The following CNTN1 variants were observed in gnomAD, a reference collection of about 807,000 sequenced individuals.
CNTN1 encodes the protein contactin-1.
A neutral mutation model predicts 126.4 loss-of-function variants in CNTN1; 38 were observed. That is an observed-to-expected ratio of 0.30 (90% confidence interval 0.23 to 0.39). The LOEUF is 0.39. CNTN1 is among the 10% of genes least tolerant of loss of function. The probability of loss-of-function intolerance (pLI) is 1.00; values close to 1 mark genes in which losing one functional copy is unlikely to be tolerated. For synonymous variants in CNTN1, 413 were observed against 422.6 expected (o/e 0.98, Z 0.28); for missense variants, 1,009 against 1,248.4 (o/e 0.81, Z 2.89).
chr12:40,796,244 G>T (rs572258008), intron 1 of CNTN1, among the ~76,000 whole-genome samples: 1 of 152,046 alleles, frequency 6.6e-6, no homozygotes, highest in Non-Finnish European at 1.5e-5. Flanking sequence ...CATAGAATGT[G>T]ATGACCAGCT....
chr12:40,891,196 C>T lies in CNTN1; in HGVS notation c.-76-17161C>T, dbSNP rs530852873. 3.9e-5 allele frequency among the ~76,000 whole-genome samples: 6 copies of T among 152,070 alleles called. No homozygotes were observed. The South Asian group carries it at 1.2e-3, about 32-fold the overall frequency. ...GAGATGTCTCTTCAGGAATTTTGAC[C>T]GTTTTCTAGTTGAGTTGTTTGTATT... On this transcript the variant is annotated intron_variant, in intron 1 of 23. Coordinates refer to ENST00000551295, the MANE Select transcript of CNTN1 (RefSeq NM_001843.4).
At chr12:41,029,835 C>G (rs1406463950) in intron 23 of CNTN1, among the ~76,000 whole-genome samples, 1 of 151,916 alleles carries the variant, frequency 6.6e-6, no homozygotes, top group East Asian at 1.9e-4. Context: ...CTTATCTATT[C>G]CTTTTCTACA....
chr12:40,787,837 G>A (rs557235310), intron 1 of CNTN1, among the ~76,000 whole-genome samples: 3 of 152,178 alleles, frequency 2.0e-5, no homozygotes, highest in East Asian at 1.9e-4. Context: ...ACATTTTGCT[G>A]AATTTAATAA....
intron 1 of CNTN1, among the ~76,000 whole-genome samples, chr12:40,714,814 A>G (rs1295867147): frequency 6.6e-6 from 1 of 152,080 alleles, no homozygotes; most frequent in Non-Finnish European, 1.5e-5. Flanking sequence ...ACCTGCTGAA[A>G]CAAAATATGC....
At position 40,826,865 on chromosome 12, in the gene CNTN1, G is replaced by C. The variant is rs192760861; in HGVS notation, c.-76-81492G>C. Among the ~76,000 whole-genome samples the C allele has an allele frequency of 2.8e-4, 43 of 152,054 alleles. 1 individual carries two copies. The South Asian group carries it at 6.4e-3, about 23-fold the overall frequency. ...GTGGAATGACATAGAAATATGAATTGTGTGTGTGTGTGCATGTATGTGAGA... is the reference window on the plus strand; with the variant it reads ...GTGGAATGACATAGAAATATGAATTCTGTGTGTGTGTGCATGTATGTGAGA... On this transcript the variant is annotated intron_variant, in intron 1 of 23. Coordinates refer to ENST00000551295, the MANE Select transcript of CNTN1 (RefSeq NM_001843.4).
chr12:40,701,120 G>T (rs926951135), intron 1 of CNTN1, among the ~76,000 whole-genome samples: 3 of 152,156 alleles, frequency 2.0e-5, no homozygotes, highest in Admixed American at 6.5e-5. Context: ...TTAAAATGCT[G>T]CTATTCTAAG....
chr12:40,887,060 T>C (rs1349963526), intron 1 of CNTN1, among the ~76,000 whole-genome samples: 2 of 152,174 alleles, frequency 1.3e-5, no homozygotes, highest in Non-Finnish European at 2.9e-5. Context: ...GGCTCTTTTT[T>C]GGTTCCATAT....
chr12:41,030,499 C>A (rs149499583), intron 23 of CNTN1, among the ~76,000 whole-genome samples: 1 of 152,008 alleles, frequency 6.6e-6, no homozygotes, highest in Non-Finnish European at 1.5e-5. Context: ...CCTAAAATAG[C>A]TACTGTTAAT....
intron 1 of CNTN1, among the ~76,000 whole-genome samples, chr12:40,784,666 A>G (rs1334077485): frequency 6.6e-6 from 1 of 152,152 alleles, no homozygotes; most frequent in Non-Finnish European, 1.5e-5. Flanking sequence ...TTGGAGACTG[A>G]TAGAAAAGCT....
chr12:40,805,645 T>C (rs1166635019), intron 1 of CNTN1, among the ~76,000 whole-genome samples: 1 of 152,128 alleles, frequency 6.6e-6, no homozygotes, highest in Non-Finnish European at 1.5e-5. Context: ...ATAGTTTCAA[T>C]ATCTGAGCTA....
chr12:40,764,368 C>T (rs538405060), intron 1 of CNTN1, among the ~76,000 whole-genome samples: 1 of 152,252 alleles, frequency 6.6e-6, no homozygotes, highest in African/African-American at 2.4e-5. Flanking sequence ...TGAACTAATG[C>T]TGAGATGAAC....
intron 1 of CNTN1, among the ~76,000 whole-genome samples, chr12:40,709,693 C>A (rs1314496740): frequency 6.6e-6 from 1 of 152,222 alleles, no homozygotes; most frequent in Admixed American, 6.5e-5. Context: ...CCACATCCTG[C>A]TTCACTTCAC....
chr12:40,969,908 C>G (rs927224696), intron 15 of CNTN1, among the ~76,000 whole-genome samples: 15 of 151,730 alleles, frequency 9.9e-5, no homozygotes, highest in Non-Finnish European at 1.5e-4. Flanking sequence ...TGTAGAGATC[C>G]CTTGTGTAAT....
At chr12:40,908,521 ATATAT>A in intron 2 of CNTN1, 28 bp downstream of exon 2, 1 of 1,467,336 alleles carries the variant, frequency 6.8e-7, no homozygotes, top group Non-Finnish European at 9.5e-7. Context: ...TATATTCTAC[ATATAT>A]TATGTCAACA....
chr12:40,946,739 A>G (rs765626082), intron 14 of CNTN1, among the ~76,000 whole-genome samples: 12 of 152,132 alleles, frequency 7.9e-5, no homozygotes, highest in Non-Finnish European at 1.6e-4. Context: ...TTTCCAATTT[A>G]GTTTCAATAA....
intron 1 of CNTN1, among the ~76,000 whole-genome samples, chr12:40,697,211 GCA>G (rs1284713235): frequency 6.6e-6 from 1 of 152,118 alleles, no homozygotes; most frequent in Non-Finnish European, 1.5e-5. Flanking sequence ...CAAAATGTAA[GCA>G]CAGATTTATT....
chr12:41,046,724 A>C (rs1483402963), intron 23 of CNTN1, among the ~76,000 whole-genome samples: 1 of 151,952 alleles, frequency 6.6e-6, no homozygotes, highest in African/African-American at 2.4e-5. Context: ...TTTTGATTTT[A>C]AATACTGTGT....
At chr12:40,932,306 A>G (rs1199120287) in intron 7 of CNTN1, among the ~76,000 whole-genome samples, 1 of 151,972 alleles carries the variant, frequency 6.6e-6, no homozygotes, top group Non-Finnish European at 1.5e-5. Flanking sequence ...ATGGTTGTAT[A>G]AAGGGGAGTT....
chr12:40,884,609 C>T lies in CNTN1; in HGVS notation c.-76-23748C>T, dbSNP rs73275624. Among the ~76,000 whole-genome samples the T allele has an allele frequency of 6.6e-3, 1,003 of 151,362 alleles. 8 individuals are homozygous for T. The highest frequency in any genetic ancestry group is 0.023 in the African/African-American group (958 of 41,466). ...TTAATCATTGCATCCACATAAACAT[C>T]GAGTATTGTTAATTTTAATGCTGTG... On this transcript the variant is annotated intron_variant, in intron 1 of 23. Transcript: ENST00000551295.
Sources: gnomAD v4.1 joint callset for allele counts (sites outside exome capture counted in the v4.1 genomes callset) on GRCh38, gnomAD v4.1.1 for gene constraint, MANE v1.5 for transcripts, NCBI Gene and HGNC (gene_info 2026-07-23, HGNC 2026-07-21) for gene names.